PLGRKT: variants seen among roughly 807,000 people sequenced by gnomAD.
The protein encoded by PLGRKT is plasminogen receptor (KT).
A neutral mutation model predicts 18.5 loss-of-function variants in PLGRKT; 22 were observed. The ratio of observed to expected loss-of-function variants is 1.19; its 90% CI spans 0.85 to 1.70. PLGRKT has a LOEUF of 1.70. PLGRKT is among the 40% of genes most tolerant of loss of function. The pLI is 0.00. For synonymous variants in PLGRKT, 72 were observed against 52.8 expected, an observed-to-expected ratio of 1.36 and a Z score of -1.58; for missense variants, 235 against 174.4, an observed-to-expected ratio of 1.35 and a Z score of -1.96.
intron 3 of PLGRKT, 70 bp downstream of exon 3, chr9:5,431,826 CG>C: frequency 1.4e-6 from 1 of 736,618 alleles, no homozygotes; most frequent in Non-Finnish European, 2.4e-6. Flanking sequence ...AGAGAATGTA[CG>C]GCTGGAGTAC....
chr9:5,389,681 G>A (rs1276091540), intron 3 of PLGRKT, among the ~76,000 whole-genome samples: 1 of 151,824 alleles, frequency 6.6e-6, no homozygotes, highest in Non-Finnish European at 1.5e-5. Context: ...GCTCTCAGAA[G>A]GGGCTGGGAA....
chr9:5,392,838 T>G (rs1817974867), intron 3 of PLGRKT, among the ~76,000 whole-genome samples: 1 of 151,682 alleles, frequency 6.6e-6, no homozygotes, highest in Non-Finnish European at 1.5e-5. Context: ...TTTATTTCAT[T>G]TTATTATTAT....
chr9:5,381,415 C>A (rs1817743657), intron 3 of PLGRKT, among the ~76,000 whole-genome samples: 1 of 152,246 alleles, frequency 6.6e-6, no homozygotes, highest in Non-Finnish European at 1.5e-5. Flanking sequence ...GTCATTGCTT[C>A]ACAGGGTGCA....
Position 5,367,065 on chromosome 9 carries a change from A to ACACC in PLGRKT, c.82-5181_82-5178dup, listed in dbSNP as rs926246969. On this transcript the variant is annotated intron_variant, in intron 3 of 5. Coordinates refer to ENST00000223864, the MANE Select transcript of PLGRKT (RefSeq NM_018465.4). ...CACACACACACACACACACACACAC[A>ACACC]CACCCCTAGGAATGAAAGAAATCAG... Among the ~76,000 whole-genome samples the ACACC allele has an allele frequency of 1.5e-4, 22 of 148,640 alleles. No individual in the cohort carries two copies. The South Asian group carries it at 1.5e-3, about 10-fold the overall frequency.
intron 3 of PLGRKT, among the ~76,000 whole-genome samples, chr9:5,367,859 C>A (rs1817429093): frequency 6.6e-6 from 1 of 152,046 alleles, no homozygotes; most frequent in East Asian, 1.9e-4. Context: ...GTCTAGTATC[C>A]AGAATCTATA....
chr9:5,358,349 C>G lies in PLGRKT; in HGVS notation c.334G>C (p.Asp112His), dbSNP rs1357105502. 1.2e-6 allele frequency: 2 copies of G among 1,612,846 alleles called. No homozygotes were observed. Among genetic ancestry groups the G allele is most frequent in the Admixed American group, 3.3e-5 (2 of 59,964 alleles). ...TTACTCTTTTCTGTTTCCAGTATGT[C>G]CTCAGCTTCACCTTAAATAAAGTAC... Reference protein sequence around the residue: ...LLERMKGEAEDILETEKSKLQ... With the variant: ...LLERMKGEAEHILETEKSKLQ... Residue 112 changes from aspartate to histidine, a missense_variant, in exon 6 of 6, where the codon GAC (aspartate) becomes CAC (histidine). Coordinates refer to ENST00000223864, the MANE Select transcript of PLGRKT (RefSeq NM_018465.4).
At chr9:5,414,787 G>A (rs1282732789) in intron 3 of PLGRKT, among the ~76,000 whole-genome samples, 2 of 152,192 alleles carry the variant, frequency 1.3e-5, no homozygotes, top group African/African-American at 4.8e-5. Flanking sequence ...GGATTGAAGT[G>A]AATATAGTGT....
chr9:5,411,088 A>G (rs540017968), intron 3 of PLGRKT, among the ~76,000 whole-genome samples: 130 of 152,292 alleles, frequency 8.5e-4, no homozygotes, highest in African/African-American at 3.1e-3. Context: ...AGCAGACAAG[A>G]AAAGATGGAA....
intron 3 of PLGRKT, among the ~76,000 whole-genome samples, chr9:5,420,834 C>T (rs1452051588): frequency 6.6e-6 from 1 of 152,164 alleles, no homozygotes; most frequent in African/African-American, 2.4e-5. Context: ...GATGTTGGTA[C>T]AGCCTTCTCC....
chr9:5,390,076 C>A (rs1006698049), intron 3 of PLGRKT, among the ~76,000 whole-genome samples: 1 of 151,664 alleles, frequency 6.6e-6, no homozygotes, highest in Non-Finnish European at 1.5e-5. Flanking sequence ...GGAACCAATG[C>A]AGGCCATCTA....
chr9:5,385,620 T>C (rs545618194), intron 3 of PLGRKT, among the ~76,000 whole-genome samples: 1 of 151,926 alleles, frequency 6.6e-6, no homozygotes, highest in Admixed American at 6.5e-5. Context: ...CCTGTGTGTT[T>C]TGGAGAAAGT....
rs975447533 is a variant in PLGRKT at position 5,393,140 on chromosome 9, C to A, written c.82-31252G>T. ...TACAGGTATGAGCCACCGCACCCAG[C>A]CAAAATTTCTGGATTTTAAAAACTA... On this transcript the variant is annotated intron_variant, in intron 3 of 5. Transcript: ENST00000223864. 2.2e-4 allele frequency among the ~76,000 whole-genome samples: 34 copies of A among 151,946 alleles called. 2 individuals are homozygous for A. Among genetic ancestry groups the A allele is most frequent in the African/African-American group, 7.8e-4 (32 of 41,254 alleles).
rs540180369 is a variant in PLGRKT, at chr9:5,416,127, A to G, written c.81+15770T>C. ...CAAATCTAAAATTATTTCAAAATTA[A>G]ACATTTTTTTTAAAAATATGGATTC... On this transcript the variant is annotated intron_variant, in intron 3 of 5. Coordinates refer to ENST00000223864, the MANE Select transcript of PLGRKT (RefSeq NM_018465.4). Among the ~76,000 whole-genome samples, 3 of 152,284 alleles carry G rather than the reference A, an allele frequency of 2.0e-5. No individual in the cohort carries two copies. The East Asian group carries it at 5.8e-4, about 29-fold the overall frequency.
At chr9:5,432,105 G>C (rs143607211) in intron 2 of PLGRKT, 122 bp from the exon 3 acceptor site, 25 of 590,772 alleles carry the variant, frequency 4.2e-5, no homozygotes, top group Middle Eastern at 4.5e-4. Context: ...TTCTGATCTA[G>C]GAACACAGTG....
chr9:5,413,373 G>A (rs1490776825), intron 3 of PLGRKT, among the ~76,000 whole-genome samples: 1 of 152,168 alleles, frequency 6.6e-6, no homozygotes, highest in East Asian at 1.9e-4. Flanking sequence ...ACCTGTGAAT[G>A]TATCTCCTTA....
intron 3 of PLGRKT, among the ~76,000 whole-genome samples, chr9:5,393,939 T>C (rs116590761): frequency 0.011 from 1,617 of 151,944 alleles, 72 homozygotes; most frequent in African/African-American, 0.037. Flanking sequence ...TATACCCAGA[T>C]TTTTGACCAT....
intron 3 of PLGRKT, among the ~76,000 whole-genome samples, chr9:5,379,310 T>C (rs1308745346): frequency 2.0e-5 from 3 of 152,122 alleles, no homozygotes; most frequent in African/African-American, 4.8e-5. Flanking sequence ...GAGGAAAATA[T>C]ACAAAAAAAG....
intron 5 of PLGRKT, among the ~76,000 whole-genome samples, chr9:5,358,649 G>A (rs971999879): frequency 3.3e-5 from 5 of 152,136 alleles, no homozygotes; most frequent in African/African-American, 4.8e-5. Context: ...GTCAGGATTC[G>A]TATTAATTCT....
intron 5 of PLGRKT, among the ~76,000 whole-genome samples, chr9:5,359,067 T>TA (rs912210411): frequency 5.1e-4 from 35 of 68,322 alleles, no homozygotes; most frequent in African/African-American, 2.2e-3. Context: ...CTATTTTATT[T>TA]TTTTTTTTTT....
Sources: allele counts gnomAD v4.1 joint callset (sites outside exome capture counted in the v4.1 genomes callset), GRCh38; gene constraint gnomAD v4.1.1; transcripts MANE v1.5; gene names NCBI Gene and HGNC (gene_info 2026-07-23, HGNC 2026-07-21).